Variants in CADPS2 observed in about 807,000 individuals in gnomAD.
The protein encoded by CADPS2 is calcium dependent secretion activator 2.
Under a neutral mutation model 172.5 loss-of-function variants are expected in CADPS2, and 93 were observed. That is an observed-to-expected ratio of 0.54 (90% CI 0.46 to 0.64). CADPS2 has a LOEUF of 0.64. Among genes scored for constraint, CADPS2 ranks in the 30% least tolerant of loss-of-function variants. The pLI is 0.00. For synonymous variants in CADPS2, 546 were observed against 555.2 expected, an observed-to-expected ratio of 0.98 and a Z score of 0.23; for missense variants, 1,420 against 1,565.9, an observed-to-expected ratio of 0.91 and a Z score of 1.57.
chr7:122,433,397 G>GT (rs1231388240), intron 17 of CADPS2, among the ~76,000 whole-genome samples: 3 of 137,750 alleles, frequency 2.2e-5, no homozygotes. Flanking sequence ...TTTTCTTTGT[G>GT]TTTTTTTGGT....
At chr7:122,489,201 T>C (rs1485052585) in intron 11 of CADPS2, among the ~76,000 whole-genome samples, 2 of 152,178 alleles carry the variant, frequency 1.3e-5, no homozygotes, top group African/African-American at 4.8e-5. Context: ...CATTTAATTA[T>C]TTGAACTAAA....
chr7:122,435,002 C>T lies in CADPS2; in HGVS notation c.2476+3339G>A, dbSNP rs1359497128. 6.0e-5 allele frequency among the ~76,000 whole-genome samples: 9 copies of T among 151,240 alleles called. No individual in the cohort carries two copies. In the East Asian group the frequency reaches 1.6e-3, roughly 26 times the overall value. ...CATTCATATAGCCTCAGGTTTTTTG[C>T]TTTAAATTTGTATCAAAAATATTGC... On this transcript the variant is annotated intron_variant, in intron 17 of 29. Transcript: ENST00000449022.
At chr7:122,345,043 C>T (rs1465847292) in intron 28 of CADPS2, among the ~76,000 whole-genome samples, 1 of 151,962 alleles carries the variant, frequency 6.6e-6, no homozygotes, top group Non-Finnish European at 1.5e-5. Context: ...ATTCAGAAGG[C>T]ACCCCGCCAT....
intron 2 of CADPS2, among the ~76,000 whole-genome samples, chr7:122,705,988 T>TATATATTATATAATATATAA (rs2087329750): frequency 1.1e-5 from 1 of 88,246 alleles, no homozygotes; most frequent in African/African-American, 4.7e-5. Context: ...TATAATATTA[T>TATATATTATATAATATATAA]ATATTATATA....
At chr7:122,416,518 A>C (rs1330976498) in intron 17 of CADPS2, among the ~76,000 whole-genome samples, 1 of 152,258 alleles carries the variant, frequency 6.6e-6, no homozygotes, top group Non-Finnish European at 1.5e-5. Context: ...TATTATCAGT[A>C]CAATACCATT....
At chr7:122,521,181 T>C (rs954176519) in intron 8 of CADPS2, among the ~76,000 whole-genome samples, 1 of 152,152 alleles carries the variant, frequency 6.6e-6, no homozygotes, top group Non-Finnish European at 1.5e-5. Flanking sequence ...CTCAAAAATC[T>C]GGGCCATTCG....
chr7:122,534,741 G>A (rs1156409179), intron 8 of CADPS2, among the ~76,000 whole-genome samples: 2 of 151,994 alleles, frequency 1.3e-5, no homozygotes, highest in East Asian at 3.9e-4. Context: ...CATGAAGAAA[G>A]ATTTAAACAG....
chr7:122,579,564 C>T (rs1161712427), intron 7 of CADPS2, among the ~76,000 whole-genome samples: 2 of 150,016 alleles, frequency 1.3e-5, no homozygotes, highest in Non-Finnish European at 3.0e-5. Context: ...TCAAGAATTA[C>T]TTATAGCATT....
In CADPS2 at chr7:122,702,107, G is replaced by A. The variant is rs759923279; in HGVS notation, c.453+34848C>T. 17 of 1,613,488 alleles carry A rather than the reference G, an allele frequency of 1.1e-5. No individual in the cohort carries two copies. In the African/African-American group the frequency reaches 2.0e-4, roughly 19 times the overall value. ...CCTGGTGAAAGAATTGGGCACTCTA[G>A]GTGTAAGTCTCCAGACGCAATCTAA... is the stretch of plus-strand genomic sequence containing the variant. On this transcript the variant is annotated intron_variant, in intron 2 of 29. Transcript: ENST00000449022.
intron 1 of CADPS2, among the ~76,000 whole-genome samples, chr7:122,872,177 T>C (rs1447211274): frequency 6.6e-6 from 1 of 152,084 alleles, no homozygotes; most frequent in African/African-American, 2.4e-5. Flanking sequence ...ATCTCTTACA[T>C]AGTTTTAAGG....
intron 14 of CADPS2, among the ~76,000 whole-genome samples, chr7:122,452,321 T>A (rs1253062177): frequency 6.6e-6 from 1 of 152,156 alleles, no homozygotes; most frequent in Non-Finnish European, 1.5e-5. Flanking sequence ...TCAAAACCTG[T>A]TTATATATTT....
At chr7:122,860,727 AC>A (rs1816738300) in intron 1 of CADPS2, among the ~76,000 whole-genome samples, 1 of 151,900 alleles carries the variant, frequency 6.6e-6, no homozygotes. Context: ...ACCTCTCTAA[AC>A]CCCTGTACCC....
chr7:122,624,649 TTC>T (rs1403280511), intron 4 of CADPS2, among the ~76,000 whole-genome samples: 1 of 152,212 alleles, frequency 6.6e-6, no homozygotes, highest in Non-Finnish European at 1.5e-5. Flanking sequence ...CATATTGGTA[TTC>T]TCTCTTCCTT....
At chr7:122,622,557 T>A (rs2075709337) in intron 4 of CADPS2, among the ~76,000 whole-genome samples, 1 of 152,178 alleles carries the variant, frequency 6.6e-6, no homozygotes, top group African/African-American at 2.4e-5. Context: ...TATAATAAAT[T>A]TATATTCCCC....
At chr7:122,389,913 T>C (rs1267755295) in intron 22 of CADPS2, among the ~76,000 whole-genome samples, 1 of 151,902 alleles carries the variant, frequency 6.6e-6, no homozygotes, top group Non-Finnish European at 1.5e-5. Context: ...AAAAATAAAT[T>C]GTTTAAAGCA....
At chr7:122,681,080 G>A (rs985762628) in intron 2 of CADPS2, among the ~76,000 whole-genome samples, 9 of 145,540 alleles carry the variant, frequency 6.2e-5, no homozygotes, top group African/African-American at 1.8e-4. Flanking sequence ...ATTGAACAAT[G>A]AGACCACATG....
At chr7:122,525,166 T>C (rs567378391) in intron 8 of CADPS2, among the ~76,000 whole-genome samples, 4 of 152,236 alleles carry the variant, frequency 2.6e-5, no homozygotes, top group African/African-American at 7.2e-5. Context: ...TTTAAAAAGT[T>C]TTCTTTAAAA....
chr7:122,671,514 C>A (rs1312078142), intron 2 of CADPS2, among the ~76,000 whole-genome samples: 2 of 152,022 alleles, frequency 1.3e-5, no homozygotes, highest in Non-Finnish European at 2.9e-5. Flanking sequence ...AGTTAAGAGG[C>A]TGCAGTGAAC....
At chr7:122,693,241 T>C (rs2084627976) in intron 2 of CADPS2, among the ~76,000 whole-genome samples, 1 of 152,218 alleles carries the variant, frequency 6.6e-6, no homozygotes, top group African/African-American at 2.4e-5. Flanking sequence ...TAGAGTTCCA[T>C]TTCAAATATC....
Sources: gnomAD v4.1 joint callset for allele counts (sites outside exome capture counted in the v4.1 genomes callset) on GRCh38, gnomAD v4.1.1 for gene constraint, MANE v1.5 for transcripts, NCBI Gene and HGNC (gene_info 2026-07-23, HGNC 2026-07-21) for gene names.